Variants in PTK2 observed in about 807,000 individuals in gnomAD.
PTK2 encodes the protein focal adhesion kinase 1.
In PTK2, 45 loss-of-function variants were observed where a neutral mutation model predicts 150.1. That is an observed-to-expected ratio of 0.30 (90% CI 0.24 to 0.38). The LOEUF is 0.38. Among genes scored for constraint, PTK2 ranks in the 10% least tolerant of loss-of-function variants. PTK2 has a pLI of 1.00. For synonymous variants in PTK2, 432 were observed against 449.2 expected (o/e 0.96, Z 0.48); for missense variants, 919 against 1,307.3 (o/e 0.70, Z 4.58).
chr8:140,872,076 G>A (rs10102625), intron 4 of PTK2, among the ~76,000 whole-genome samples: 145,518 of 152,156 alleles, frequency 0.96, 69,787 homozygotes, highest in Non-Finnish European at 1. Flanking sequence ...GTGTTGTGGC[G>A]TAAGGATGTA....
At chr8:140,764,351 T>C in intron 14 of PTK2, 61 bp from the exon 17 acceptor site, 1 of 1,285,154 alleles carries the variant, frequency 7.8e-7, no homozygotes, top group South Asian at 1.2e-5. Context: ...TGGTATTTCA[T>C]ATAATTAAAG....
chr8:140,734,838 G>C (rs1226572641), intron 22 of PTK2: 1 of 486,898 alleles, frequency 2.1e-6, no homozygotes, highest in East Asian at 5.8e-5. Context: ...GGATTTCTGG[G>C]AGTGAAGACA....
At chr8:140,942,614 T>TAATG (rs1166749256) in intron 1 of PTK2, among the ~76,000 whole-genome samples, 6 of 134,428 alleles carry the variant, frequency 4.5e-5, no homozygotes, top group African/African-American at 1.5e-4. Context: ...ATTTGAGCTC[T>TAATG]AATGAGTGCG....
At chr8:140,952,241 C>T (rs749785043) in intron 1 of PTK2, among the ~76,000 whole-genome samples, 1 of 152,138 alleles carries the variant, frequency 6.6e-6, no homozygotes, top group African/African-American at 2.4e-5. Context: ...CAAAACTGCC[C>T]TCACACACAG....
intron 1 of PTK2, among the ~76,000 whole-genome samples, chr8:140,965,714 T>C (rs2154609501): frequency 6.6e-6 from 1 of 152,120 alleles, no homozygotes; most frequent in Middle Eastern, 3.4e-3. Context: ...CCGTCTCTAC[T>C]AAAAATACAA....
At chr8:140,698,610 T>C (rs1808687012) in intron 26 of PTK2, among the ~76,000 whole-genome samples, 1 of 151,326 alleles carries the variant, frequency 6.6e-6, no homozygotes, top group South Asian at 2.1e-4. Context: ...TGTGCCACCA[T>C]GCCTGGCTAA....
At chr8:140,968,724 G>A (rs2100186186) in intron 1 of PTK2, among the ~76,000 whole-genome samples, 1 of 152,170 alleles carries the variant, frequency 6.6e-6, no homozygotes, top group Non-Finnish European at 1.5e-5. Context: ...TTCAACACAA[G>A]ACAACTCTTC....
chr8:140,921,554 T>A (rs2100167463), intron 2 of PTK2, among the ~76,000 whole-genome samples: 1 of 152,246 alleles, frequency 6.6e-6, no homozygotes, highest in Admixed American at 6.5e-5. Flanking sequence ...TCTATCTATG[T>A]CTCTATGTCT....
intron 3 of PTK2, among the ~76,000 whole-genome samples, chr8:140,889,058 A>G (rs2100153326): frequency 2.0e-5 from 3 of 152,004 alleles, no homozygotes; most frequent in Non-Finnish European, 4.4e-5. Context: ...ACAGAAGTAG[A>G]AAAAAAACAG....
chr8:140,970,900 A>AC (rs1412246442), intron 1 of PTK2, among the ~76,000 whole-genome samples: 5 of 151,702 alleles, frequency 3.3e-5, no homozygotes, highest in African/African-American at 4.8e-5. Flanking sequence ...AAAAAAAAAA[A>AC]CCAAAAAACA....
intron 1 of PTK2, chr8:140,954,883 T>C (rs765422502): frequency 6.6e-6 from 1 of 152,228 alleles, no homozygotes; most frequent in Non-Finnish European, 1.5e-5. Context: ...TTTCACTAGT[T>C]TTTTTCAAGG....
At chr8:140,817,265 A>G (rs918165274) in intron 10 of PTK2, among the ~76,000 whole-genome samples, 9 of 152,212 alleles carry the variant, frequency 5.9e-5, no homozygotes, top group African/African-American at 2.2e-4. Flanking sequence ...GGGGGGTTAC[A>G]GAGAAGGCTG....
At chr8:140,818,163 G>T in intron 10 of PTK2, 114 bp downstream of exon 10, 1 of 958,080 alleles carries the variant, frequency 1.0e-6, no homozygotes, top group Admixed American at 2.0e-5. Flanking sequence ...AATAAATGCA[G>T]TGCAATAGGA....
chr8:140,701,570 T>C (rs1564673929), intron 25 of PTK2, among the ~76,000 whole-genome samples: 1 of 152,136 alleles, frequency 6.6e-6, no homozygotes, highest in Non-Finnish European at 1.5e-5. Flanking sequence ...CTAGGTCAAA[T>C]AAATTTTTAA....
intron 27 of PTK2, among the ~76,000 whole-genome samples, chr8:140,676,638 C>T (rs938224913): frequency 2.7e-5 from 4 of 145,462 alleles, no homozygotes; most frequent in African/African-American, 1.0e-4. Context: ...TAAGACATTA[C>T]TTAATGGCGC....
intron 1 of PTK2, among the ~76,000 whole-genome samples, chr8:140,966,053 CT>C (rs1375365931): frequency 6.6e-6 from 1 of 151,998 alleles, no homozygotes; most frequent in Admixed American, 6.6e-5. Flanking sequence ...CCTTTCCTGC[CT>C]TTCTATTAGG....
chr8:140,874,716 T>C (rs900926002), intron 4 of PTK2, among the ~76,000 whole-genome samples: 7 of 152,172 alleles, frequency 4.6e-5, no homozygotes, highest in African/African-American at 1.7e-4. Flanking sequence ...TTAATTTTGA[T>C]GAACTACATC....
At chr8:140,852,887 T>TA (rs762178341) in intron 5 of PTK2, among the ~76,000 whole-genome samples, 8 of 152,210 alleles carry the variant, frequency 5.3e-5, no homozygotes, top group Non-Finnish European at 8.8e-5. Flanking sequence ...GGCTGGCCCT[T>TA]AGTCTCTTAG....
At chr8:140,659,422 A>G (rs2152385924) in exon 32 of PTK2, 2 of 1,538,586 alleles carry the variant, frequency 1.3e-6, no homozygotes, top group East Asian at 2.3e-5. Flanking sequence ...AAGGCTAGAG[A>G]ACATCTTCAA....
Sources: allele counts gnomAD v4.1 joint callset (sites outside exome capture counted in the v4.1 genomes callset), GRCh38; gene constraint gnomAD v4.1.1; transcripts MANE v1.5; gene names NCBI Gene and HGNC (gene_info 2026-07-23, HGNC 2026-07-21).